ZNF704: variants seen among roughly 807,000 people sequenced by gnomAD.
ZNF704 encodes zinc finger protein 704, also known as glucocorticoid induced gene 1.
In ZNF704, 10 loss-of-function variants were observed where a neutral mutation model predicts 44.7. The ratio of observed to expected loss-of-function variants is 0.22; its 90% CI spans 0.14 to 0.38. The LOEUF (loss-of-function observed/expected upper bound fraction) is 0.38, where lower values mean the gene tolerates loss of function less well. Among genes scored for constraint, ZNF704 ranks in the 10% least tolerant of loss-of-function variants. ZNF704 has a pLI of 1.00. For missense variants in ZNF704, 390 were observed against 545.5 expected, an observed-to-expected ratio of 0.71 and a Z score of 2.84; for synonymous variants, 211 against 207.6, an observed-to-expected ratio of 1.02 and a Z score of -0.14.
In ZNF704 at chr8:80,674,934, T is replaced by A. The variant is rs1818340173; in HGVS notation, c.559-4331A>T. ...AAGTATCTGTCTGGAAATGAAGTCA[T>A]GATAGATGAAAACACTTTTTGATTC... On this transcript the variant is annotated intron_variant, in intron 4 of 8. Transcript: ENST00000327835. Among the ~76,000 whole-genome samples, 2 of 152,208 alleles carry A rather than the reference T, an allele frequency of 1.3e-5. 1 individual carries two copies. The highest frequency in any genetic ancestry group is 4.1e-4 in the South Asian group (2 of 4,832).
intron 1 of ZNF704, among the ~76,000 whole-genome samples, chr8:80,857,559 T>C (rs1335673318): frequency 6.6e-6 from 1 of 152,168 alleles, no homozygotes; most frequent in Non-Finnish European, 1.5e-5. Context: ...ATTTACACTT[T>C]ACATTCCTAG....
intron 2 of ZNF704, among the ~76,000 whole-genome samples, chr8:80,727,195 A>C (rs191769142): frequency 6.6e-6 from 1 of 152,324 alleles, no homozygotes; most frequent in East Asian, 1.9e-4. Context: ...CTCACAATAC[A>C]TATTATAATG....
chr8:80,695,912 A>G (rs993826857), intron 2 of ZNF704, among the ~76,000 whole-genome samples: 1 of 152,246 alleles, frequency 6.6e-6, no homozygotes, highest in African/African-American at 2.4e-5. Flanking sequence ...AGTCAAAGGA[A>G]TACATCACAA....
At chr8:80,879,832 T>C in the ZNF704 span, among the ~76,000 whole-genome samples, 1 of 152,216 alleles carries the variant, frequency 6.6e-6, no homozygotes, top group Non-Finnish European at 1.5e-5. Context: ...TTCATATCTC[T>C]GAGGCTTTTC....
intron 2 of ZNF704, among the ~76,000 whole-genome samples, chr8:80,702,110 G>C (rs1012251543): frequency 2.0e-5 from 3 of 152,114 alleles, no homozygotes; most frequent in Non-Finnish European, 2.9e-5. Context: ...GCATGATGAG[G>C]GTCCTGGGCT....
intron 3 of ZNF704, among the ~76,000 whole-genome samples, chr8:80,689,831 G>A (rs984086431): frequency 6.6e-6 from 1 of 152,152 alleles, no homozygotes; most frequent in East Asian, 1.9e-4. Flanking sequence ...ATATAGAAAT[G>A]ATTTTTCTCA....
chr8:80,833,756 A>G (rs922536689), intron 1 of ZNF704, among the ~76,000 whole-genome samples: 1 of 152,196 alleles, frequency 6.6e-6, no homozygotes, highest in Non-Finnish European at 1.5e-5. Flanking sequence ...CTGTTGCCCT[A>G]TGTACATGGT....
chr8:80,774,503 C>T (rs1050560336), intron 2 of ZNF704, among the ~76,000 whole-genome samples: 1 of 152,120 alleles, frequency 6.6e-6, no homozygotes, highest in African/African-American at 2.4e-5. Flanking sequence ...CTGAGGTGTG[C>T]AGCACTGCGT....
chr8:80,775,674 A>C (rs1452356315), intron 2 of ZNF704, among the ~76,000 whole-genome samples: 1 of 152,182 alleles, frequency 6.6e-6, no homozygotes, highest in Admixed American at 6.6e-5. Flanking sequence ...TAATTTACTC[A>C]GGGTGTTGGA....
chr8:80,826,385 T>C lies in ZNF704; in HGVS notation c.-21-4770A>G, dbSNP rs938937330. 2.6e-5 allele frequency among the ~76,000 whole-genome samples: 4 copies of C among 152,256 alleles called. No individual in the cohort carries two copies. In the East Asian group the frequency reaches 5.8e-4, roughly 22 times the overall value. The stretch of plus-strand genomic sequence containing the variant: ...CTCCCAAGACTAAACCAGGAAGAAG[T>C]TGAATCCCTGAATAGACCAATAACA... On this transcript the variant is annotated intron_variant, in intron 1 of 8. Coordinates refer to ENST00000327835, the MANE Select transcript of ZNF704 (RefSeq NM_001033723.3).
chr8:80,877,488 C>G (rs1809370969), upstream of ZNF704, among the ~76,000 whole-genome samples: 1 of 152,214 alleles, frequency 6.6e-6, no homozygotes, highest in Non-Finnish European at 1.5e-5. Context: ...CAAAAAGTAT[C>G]TTGTGATGCC....
At chr8:80,727,972 C>A (rs1806513858) in intron 2 of ZNF704, among the ~76,000 whole-genome samples, 1 of 152,048 alleles carries the variant, frequency 6.6e-6, no homozygotes, top group Admixed American at 6.6e-5. Flanking sequence ...AGGTAACCAG[C>A]ATTCTTCAAA....
chr8:80,768,525 G>T (rs1277414869), intron 2 of ZNF704, among the ~76,000 whole-genome samples: 1 of 152,158 alleles, frequency 6.6e-6, no homozygotes, highest in Non-Finnish European at 1.5e-5. Flanking sequence ...CCATGGGTTT[G>T]CTTTGAGACA....
intron 1 of ZNF704, among the ~76,000 whole-genome samples, chr8:80,854,504 A>G (rs984257654): frequency 1.3e-5 from 2 of 152,214 alleles, no homozygotes; most frequent in Non-Finnish European, 2.9e-5. Flanking sequence ...CTGAAAAACT[A>G]CTTTTCTAAA....
At chr8:80,854,671 C>CA (rs1808927781) in intron 1 of ZNF704, among the ~76,000 whole-genome samples, 1 of 151,934 alleles carries the variant, frequency 6.6e-6, no homozygotes, top group African/African-American at 2.4e-5. Flanking sequence ...ACAACAGAAA[C>CA]AAAAAAGAGG....
At position 80,665,081 on chromosome 8, in the gene ZNF704, G is replaced by A. The variant is rs200333415; in HGVS notation, c.661C>T (p.Arg221Cys). Residue 221 changes from arginine (R) to cysteine (C), a missense_variant and splice_region_variant, in exon 6 of 9, where the codon CGC (arginine) becomes TGC (cysteine). Arg to Cys is a radical substitution (Grantham distance 180). This residue lies in a region of ZNF704 where 305 missense variants were observed against 435.7 expected (regional missense o/e 0.70). Coordinates refer to ENST00000327835, the MANE Select transcript of ZNF704 (RefSeq NM_001033723.3). ...TCACTGTAGTCAGAGTCTCCAACGC[G>A]CCTAATGCAAAAGAGAGTAAAACAA... ...QKHIRTIHLGRVGDSDYSDGE... is the reference protein window; with the variant it reads ...QKHIRTIHLGCVGDSDYSDGE... The A allele has an allele frequency of 9.9e-6, 16 of 1,613,614 alleles. No individual in the cohort carries two copies. The highest frequency in any genetic ancestry group is 8.3e-5 in the Admixed American group (5 of 59,990).
chr8:80,834,379 G>A (rs1163892537), intron 1 of ZNF704, among the ~76,000 whole-genome samples: 1 of 152,132 alleles, frequency 6.6e-6, no homozygotes, highest in Admixed American at 6.5e-5. Flanking sequence ...TTCAATGATG[G>A]AGTAAGAAGT....
intron 2 of ZNF704, among the ~76,000 whole-genome samples, chr8:80,814,599 G>A (rs1223898738): frequency 1.3e-5 from 2 of 152,142 alleles, no homozygotes; most frequent in African/African-American, 4.8e-5. Context: ...TTCTTAAGGG[G>A]AGTCCACCAA....
At chr8:80,754,061 A>G (rs1168306728) in intron 2 of ZNF704, among the ~76,000 whole-genome samples, 2 of 152,204 alleles carry the variant, frequency 1.3e-5, no homozygotes, top group African/African-American at 4.8e-5. Flanking sequence ...GCCACTGTCT[A>G]TCAGAAATGA....
Sources: allele counts gnomAD v4.1 joint callset (sites outside exome capture counted in the v4.1 genomes callset), GRCh38; gene constraint gnomAD v4.1.1; regional missense constraint gnomAD v4.1.1; transcripts MANE v1.5; gene names NCBI Gene and HGNC (gene_info 2026-07-23, HGNC 2026-07-21).